Variants in COL13A1 observed in about 807,000 individuals in gnomAD.
COL13A1 encodes the protein collagen type XIII alpha 1 chain.
A neutral mutation model predicts 130.9 loss-of-function variants in COL13A1; 89 were observed. That is an observed-to-expected ratio of 0.68 (90% CI 0.57 to 0.81). COL13A1 has a LOEUF of 0.81. COL13A1 is among the 30% of genes least tolerant of loss of function. COL13A1 has a pLI of 0.00. For missense variants in COL13A1, 879 were observed against 934.6 expected, an observed-to-expected ratio of 0.94 and a Z score of 0.78; for synonymous variants, 402 against 341.6, an observed-to-expected ratio of 1.18 and a Z score of -1.95.
intron 38 of COL13A1, among the ~76,000 whole-genome samples, chr10:69,948,889 C>A (rs2068950212): frequency 6.6e-6 from 1 of 152,152 alleles, no homozygotes; most frequent in African/African-American, 2.4e-5. Context: ...TCCACGGAGG[C>A]CCCAGGAATC....
intron 10 of COL13A1, among the ~76,000 whole-genome samples, 182 bp from the exon 11 acceptor site, chr10:69,894,370 G>A (rs1471743254): frequency 1.3e-5 from 2 of 152,218 alleles, no homozygotes; most frequent in African/African-American, 2.4e-5. Flanking sequence ...CCTGCCCACT[G>A]GGGGGTGAAG....
intron 27 of COL13A1, among the ~76,000 whole-genome samples, chr10:69,928,293 T>C (rs561165201): frequency 3.3e-5 from 5 of 152,282 alleles, no homozygotes; most frequent in African/African-American, 1.2e-4. Context: ...TTTTGATAAG[T>C]GTATATACCC....
rs145210401 is a variant in COL13A1, at chr10:69,942,738, C to G, written c.1915-1387C>G. Among the ~76,000 whole-genome samples, 591 of 152,328 alleles carry G rather than the reference C, an allele frequency of 3.9e-3. 1 individual carries two copies. The highest frequency in any genetic ancestry group is 0.014 in the Middle Eastern group (4 of 294). On this transcript the variant is annotated intron_variant, in intron 35 of 40. Transcript: ENST00000645393. ...ACACACGTGGTACAGACGGGGAAAC[C>G]GACACTCGGCAAGGCTAAGGAGCTT...
intron 27 of COL13A1, 133 bp from the exon 28 acceptor site, chr10:69,928,804 T>C: frequency 1.7e-6 from 1 of 583,208 alleles, no homozygotes; most frequent in Non-Finnish European, 3.0e-6. Flanking sequence ...TTGCAAAAAA[T>C]GCATCTCTAT....
intron 1 of COL13A1, among the ~76,000 whole-genome samples, chr10:69,808,621 G>T (rs1372266621): frequency 6.6e-6 from 1 of 152,186 alleles, no homozygotes; most frequent in African/African-American, 2.4e-5. Flanking sequence ...AAATCCATTT[G>T]CCATTCATGG....
chr10:69,942,591 GA>G (rs142865777), intron 35 of COL13A1, among the ~76,000 whole-genome samples: 18,017 of 151,972 alleles, frequency 0.12, 1,170 homozygotes, highest in Middle Eastern at 0.29. Context: ...AAAATGTGGG[GA>G]AAAAAAATAA....
At chr10:69,898,791 G>C in intron 14 of COL13A1, 29 bp downstream of exon 14, 1 of 1,589,366 alleles carries the variant, frequency 6.3e-7, no homozygotes, top group East Asian at 2.2e-5. Context: ...TCCAGACCAT[G>C]TGTGGTTTCC....
intron 10 of COL13A1, among the ~76,000 whole-genome samples, chr10:69,893,704 T>C (rs1189013609): frequency 1.3e-5 from 2 of 152,244 alleles, no homozygotes; most frequent in Non-Finnish European, 2.9e-5. Flanking sequence ...ACCTTGGCCG[T>C]CAGACAAACC....
intron 2 of COL13A1, among the ~76,000 whole-genome samples, chr10:69,857,735 G>A (rs1227742): frequency 0.82 from 125,068 of 151,978 alleles, 51,785 homozygotes; most frequent in East Asian, 0.95. Flanking sequence ...AAGGCAGGAG[G>A]TGCTGCCTCT....
At chr10:69,906,342 T>C (rs2135246762) in intron 17 of COL13A1, among the ~76,000 whole-genome samples, 1 of 152,294 alleles carries the variant, frequency 6.6e-6, no homozygotes. Context: ...GGAATTCTGC[T>C]AATCTCACCT....
At position 69,863,484 on chromosome 10, in the gene COL13A1, T is replaced by A. The variant is rs370756586; in HGVS notation, c.365-4314T>A. Among the ~76,000 whole-genome samples the A allele has an allele frequency of 3.9e-4, 59 of 152,248 alleles. 1 individual carries two copies. Among genetic ancestry groups the A allele is most frequent in the East Asian group, 3.1e-3 (16 of 5,172 alleles). The stretch of plus-strand genomic sequence containing the variant: ...CATGGGTGGGGGCTAGGACCCCAGC[T>A]TCTAGGAGCCCAGCGGTCAAGCAGG... On this transcript the variant is annotated intron_variant, in intron 2 of 40. Coordinates refer to ENST00000645393, the MANE Select transcript of COL13A1 (RefSeq NM_001368882.1).
chr10:69,831,391 T>A (rs1432769634), intron 2 of COL13A1, among the ~76,000 whole-genome samples: 1 of 152,190 alleles, frequency 6.6e-6, no homozygotes, highest in Non-Finnish European at 1.5e-5. Context: ...TGTCACTTCC[T>A]CTGAGATGTC....
At chr10:69,946,608 A>G (rs2068577107) in intron 37 of COL13A1, among the ~76,000 whole-genome samples, 1 of 152,188 alleles carries the variant, frequency 6.6e-6, no homozygotes, top group African/African-American at 2.4e-5. Flanking sequence ...CCTTGAAAAG[A>G]GGGTCTAGCA....
intron 29 of COL13A1, 56 bp from the exon 30 acceptor site, chr10:69,930,344 T>G: frequency 6.7e-7 from 1 of 1,503,688 alleles, no homozygotes; most frequent in Non-Finnish European, 9.0e-7. Context: ...TCTCTCTCCC[T>G]CTCTCCTCTT....
At chr10:69,930,742 C>T (rs138182939) in intron 30 of COL13A1, among the ~76,000 whole-genome samples, 190 bp downstream of exon 30, 60 of 152,342 alleles carry the variant, frequency 3.9e-4, no homozygotes, top group Non-Finnish European at 6.8e-4. Flanking sequence ...AGTTTCCCGA[C>T]TCAGGAGACC....
intron 14 of COL13A1, among the ~76,000 whole-genome samples, chr10:69,900,141 C>G (rs1215527822): frequency 6.6e-6 from 1 of 152,214 alleles, no homozygotes; most frequent in African/African-American, 2.4e-5. Flanking sequence ...CAGGCCCACC[C>G]CTGTCACCCA....
intron 2 of COL13A1, among the ~76,000 whole-genome samples, chr10:69,851,740 C>T (rs1249526751): frequency 1.3e-5 from 2 of 152,136 alleles, no homozygotes; most frequent in Non-Finnish European, 2.9e-5. Flanking sequence ...CGGCAACCTC[C>T]ACCTCCCTGA....
chr10:69,872,532 A>T (rs1270770476), intron 4 of COL13A1, among the ~76,000 whole-genome samples: 1 of 152,220 alleles, frequency 6.6e-6, no homozygotes, highest in East Asian at 1.9e-4. Context: ...AGCTGCAGGG[A>T]TGGGCAGCCC....
chr10:69,802,416 G>T lies in COL13A1; in HGVS notation c.-8G>T, dbSNP rs1292282861. ...TTATTTATTTATTGGTTCTCAAGACGCGAGAGGATGGTAGCGGAGCGCACC... is the reference window on the plus strand; with the variant it reads ...TTATTTATTTATTGGTTCTCAAGACTCGAGAGGATGGTAGCGGAGCGCACC... On this transcript the variant is annotated 5_prime_UTR_variant, in exon 1 of 41. Transcript: ENST00000645393. 2.0e-6 allele frequency: 3 copies of T among 1,485,232 alleles called. No individual in the cohort carries two copies. The highest frequency in any genetic ancestry group is 2.8e-5 in the Admixed American group (1 of 36,208). The allele number at this position is 1,485,232 out of a possible 1,614,324, so 92.0% of individuals were successfully genotyped here.
Sources: gnomAD v4.1 joint callset for allele counts (sites outside exome capture counted in the v4.1 genomes callset) on GRCh38, gnomAD v4.1.1 for gene constraint, MANE v1.5 for transcripts, NCBI Gene and HGNC (gene_info 2026-07-23, HGNC 2026-07-21) for gene names.